Variants in GBA1 observed in about 807,000 individuals in gnomAD.
The protein encoded by GBA1 is lysosomal acid glucosylceramidase.
the GBA1 span, chr1:155,234,908 C>T: frequency 2.2e-6 from 1 of 455,464 alleles, no homozygotes; most frequent in South Asian, 2.1e-5. Flanking sequence ...CCCTGCTGTG[C>T]CCTCTTTAGT....
At chr1:155,235,669 C>G in the GBA1 span, 1 of 1,587,022 alleles carries the variant, frequency 6.3e-7, no homozygotes, top group African/African-American at 1.3e-5. Context: ...GGGGTGCCCG[C>G]CCTCCACTCA....
chr1:155,240,619 G>C, the GBA1 span: 1 of 1,610,174 alleles, frequency 6.2e-7, no homozygotes, highest in Non-Finnish European at 8.5e-7. Context: ...CCACTGCCTT[G>C]ACTCACTCAC....
the GBA1 span, chr1:155,239,753 AG>A: frequency 1.2e-6 from 2 of 1,614,096 alleles, no homozygotes; most frequent in Non-Finnish European, 1.7e-6. Context: ...CTGCAGGGTC[AG>A]TAGCAGGCCT....
the GBA1 span, chr1:155,237,708 C>G: frequency 6.5e-7 from 1 of 1,538,080 alleles, no homozygotes; most frequent in Non-Finnish European, 8.8e-7. Context: ...TTCAGGAGTT[C>G]GAGAACAGCC....
At chr1:155,235,353 C>T in the GBA1 span, 2 of 1,602,902 alleles carry the variant, frequency 1.2e-6, no homozygotes, top group Admixed American at 1.7e-5. Context: ...CGGGGTACCT[C>T]CCATGAAACC....
the GBA1 span, chr1:155,240,191 C>A: frequency 2.2e-6 from 2 of 911,428 alleles, no homozygotes; most frequent in Non-Finnish European, 3.4e-6. Context: ...TGGCCGGGCG[C>A]AGGGGCTCAC....
the GBA1 span, chr1:155,243,961 ATGTT>A: frequency 1.1e-4 from 17 of 152,264 alleles, no homozygotes; most frequent in African/African-American, 4.1e-4. Context: ...GGCTCCGTGA[ATGTT>A]TGTCACATGT....
At chr1:155,236,262 T>G in the GBA1 span, 3 of 1,613,914 alleles carry the variant, frequency 1.9e-6, no homozygotes, top group Non-Finnish European at 2.5e-6. Context: ...ATGCTGTGGC[T>G]GTACTGCATC....
At chr1:155,238,625 T>C in the GBA1 span, 1 of 1,613,660 alleles carries the variant, frequency 6.2e-7, no homozygotes, top group East Asian at 2.2e-5. Context: ...TGGCCATGGG[T>C]ACCCGGATGA....
At chr1:155,242,815 A>T in the GBA1 span, among the ~76,000 whole-genome samples, 1 of 151,788 alleles carries the variant, frequency 6.6e-6, no homozygotes, top group Non-Finnish European at 1.5e-5. Context: ...CTGGTCTCGA[A>T]CCCCTGACCT....
chr1:155,235,680 C>T, the GBA1 span: 7 of 1,598,222 alleles, frequency 4.4e-6, no homozygotes, highest in Non-Finnish European at 6.0e-6. Flanking sequence ...CCTCCACTCA[C>T]CTGAAGTGGC....
the GBA1 span, among the ~76,000 whole-genome samples, chr1:155,239,417 G>T: frequency 2.0e-5 from 3 of 152,048 alleles, no homozygotes; most frequent in African/African-American, 7.2e-5. Flanking sequence ...TATAATTCCA[G>T]CTACTCAGGA....
At chr1:155,242,888 C>T in the GBA1 span, among the ~76,000 whole-genome samples, 5 of 152,284 alleles carry the variant, frequency 3.3e-5, no homozygotes, top group East Asian at 9.6e-4. Context: ...CCACCACACC[C>T]GGTCCCTCCA....
the GBA1 span, chr1:155,240,069 G>A: frequency 1.1e-5 from 17 of 1,613,600 alleles, no homozygotes; most frequent in Non-Finnish European, 1.4e-5. Flanking sequence ...GGGATGCAGG[G>A]GCGGGCACCT....
chr1:155,237,884 A>G, the GBA1 span: 1 of 632,744 alleles, frequency 1.6e-6, no homozygotes, highest in Non-Finnish European at 2.7e-6. Flanking sequence ...CCTGGGTGAC[A>G]GAGAGAGAGA....
At chr1:155,243,938 A>C in the GBA1 span, among the ~76,000 whole-genome samples, 1 of 151,930 alleles carries the variant, frequency 6.6e-6, no homozygotes, top group Non-Finnish European at 1.5e-5. Flanking sequence ...CCCAACCCCG[A>C]CGCTCGTCGC....
At chr1:155,243,310 G>A in the GBA1 span, among the ~76,000 whole-genome samples, 1 of 152,162 alleles carries the variant, frequency 6.6e-6, no homozygotes, top group South Asian at 2.1e-4. Context: ...GTAATATCTA[G>A]TACCTTACTT....
chr1:155,237,265 G>C, the GBA1 span: 1 of 1,609,828 alleles, frequency 6.2e-7, no homozygotes. Context: ...TAGAGAAATC[G>C]CTCTAAGTTT....
the GBA1 span, chr1:155,236,564 G>T: frequency 2.0e-6 from 2 of 977,898 alleles, no homozygotes; most frequent in African/African-American, 1.6e-5. Context: ...GTGACGGGAA[G>T]AATGCAACTA....
Sources: gnomAD v4.1 joint callset for allele counts (sites outside exome capture counted in the v4.1 genomes callset) on GRCh38, gnomAD v4.1.1 for gene constraint, MANE v1.5 for transcripts, NCBI Gene and HGNC (gene_info 2026-07-23, HGNC 2026-07-21) for gene names.